Variants in MTNAP1 observed in about 807,000 individuals in gnomAD.
MTNAP1 encodes the protein mitochondrial nucleoid-associated protein 1.
the MTNAP1 span, chr17:73,233,440 C>T: frequency 6.6e-6 from 1 of 152,260 alleles, no homozygotes; most frequent in Non-Finnish European, 1.5e-5. Context: ...GTGTCAAGCC[C>T]TTCCTAACGT....
chr17:73,236,447 A>AG, the MTNAP1 span: 2 of 1,614,232 alleles, frequency 1.2e-6, no homozygotes, highest in Non-Finnish European at 8.5e-7. Flanking sequence ...GCAACAGAAA[A>AG]GCAGGAACGG....
the MTNAP1 span, chr17:73,247,115 C>A: frequency 1.3e-6 from 1 of 789,534 alleles, no homozygotes; most frequent in Non-Finnish European, 2.0e-6. Context: ...TGTACAAAAA[C>A]AAGCCCTGCT....
chr17:73,247,561 T>C, the MTNAP1 span: 1 of 496,386 alleles, frequency 2.0e-6, no homozygotes, highest in Admixed American at 3.6e-5. Context: ...AAGGTTTAAC[T>C]TAGTCACAGT....
chr17:73,234,177 G>T, the MTNAP1 span, among the ~76,000 whole-genome samples: 1,127 of 152,246 alleles, frequency 7.4e-3, 15 homozygotes, highest in African/African-American at 0.025. Flanking sequence ...CTGTGTGCAG[G>T]ATAGATATGT....
chr17:73,245,113 A>G, the MTNAP1 span: 5,519 of 1,536,756 alleles, frequency 3.6e-3, 97 homozygotes, highest in East Asian at 0.031. Flanking sequence ...AAAGATAGTA[A>G]CAGTCATTGG....
At chr17:73,248,544 G>A in the MTNAP1 span, 1 of 1,551,548 alleles carries the variant, frequency 6.4e-7, no homozygotes, top group Non-Finnish European at 8.7e-7. Context: ...TTCCTGCAAG[G>A]TGCATACAAA....
At chr17:73,233,920 T>C in the MTNAP1 span, among the ~76,000 whole-genome samples, 1 of 152,058 alleles carries the variant, frequency 6.6e-6, no homozygotes, top group African/African-American at 2.4e-5. Flanking sequence ...ATTACTGTAA[T>C]CTGTTGGCAG....
the MTNAP1 span, chr17:73,242,823 A>G: frequency 8.2e-7 from 1 of 1,222,536 alleles, no homozygotes; most frequent in South Asian, 1.4e-5. Flanking sequence ...TAACTGGGAA[A>G]ACTTGAATGA....
the MTNAP1 span, chr17:73,235,727 T>G: frequency 6.2e-7 from 1 of 1,613,906 alleles, no homozygotes; most frequent in Non-Finnish European, 8.5e-7. Flanking sequence ...TCTAAGTTGG[T>G]GGTGGACAAA....
the MTNAP1 span, chr17:73,245,302 G>T: frequency 6.9e-7 from 1 of 1,440,802 alleles, no homozygotes; most frequent in Non-Finnish European, 9.2e-7. Context: ...ACAGGGAGAG[G>T]GGAGTGAAAA....
chr17:73,233,763 C>T, the MTNAP1 span, among the ~76,000 whole-genome samples: 1 of 152,030 alleles, frequency 6.6e-6, no homozygotes, highest in Non-Finnish European at 1.5e-5. Flanking sequence ...ATCCCAGCCA[C>T]GCGGGAGGCT....
At chr17:73,240,640 A>G in the MTNAP1 span, among the ~76,000 whole-genome samples, 1 of 152,256 alleles carries the variant, frequency 6.6e-6, no homozygotes, top group Non-Finnish European at 1.5e-5. Flanking sequence ...GACCTTTGAT[A>G]GGTCATTTGC....
the MTNAP1 span, among the ~76,000 whole-genome samples, chr17:73,244,191 A>T: frequency 6.6e-6 from 1 of 152,222 alleles, no homozygotes; most frequent in Non-Finnish European, 1.5e-5. Context: ...CCTTCTAGTT[A>T]AAAAGATGAG....
the MTNAP1 span, among the ~76,000 whole-genome samples, chr17:73,238,473 C>A: frequency 1.3e-5 from 2 of 152,196 alleles, no homozygotes; most frequent in Non-Finnish European, 2.9e-5. Context: ...CTCTATTTGC[C>A]TGGTCTCAAA....
At chr17:73,236,758 A>G in the MTNAP1 span, 2 of 1,614,094 alleles carry the variant, frequency 1.2e-6, no homozygotes, top group Non-Finnish European at 8.5e-7. Flanking sequence ...AGCATCACAC[A>G]CTGGGTGCCA....
At chr17:73,241,282 C>T in the MTNAP1 span, among the ~76,000 whole-genome samples, 151 of 152,210 alleles carry the variant, frequency 9.9e-4, 1 homozygote, top group African/African-American at 2.7e-3. Flanking sequence ...CTCAGTCTCC[C>T]GTGTAGCTGG....
chr17:73,238,921 C>CTGTG, the MTNAP1 span, among the ~76,000 whole-genome samples: 35 of 150,914 alleles, frequency 2.3e-4, no homozygotes, highest in Non-Finnish European at 3.4e-4. Flanking sequence ...CCATACTTTT[C>CTGTG]TGTGTGTGTG....
the MTNAP1 span, among the ~76,000 whole-genome samples, chr17:73,238,421 C>T: frequency 6.6e-6 from 1 of 152,176 alleles, no homozygotes. Context: ...AAATCATTTT[C>T]TTCTCTGGTA....
chr17:73,235,407 A>G, the MTNAP1 span: 1 of 1,304,144 alleles, frequency 7.7e-7, no homozygotes. Flanking sequence ...TAAAAGATAC[A>G]ACACATAAGT....
Sources: allele counts gnomAD v4.1 joint callset (sites outside exome capture counted in the v4.1 genomes callset), GRCh38; gene constraint gnomAD v4.1.1; transcripts MANE v1.5; gene names NCBI Gene and HGNC (gene_info 2026-07-23, HGNC 2026-07-21).